Variants in LGALS3 observed in about 807,000 individuals in gnomAD.
The protein encoded by LGALS3 is galectin-3.
LGALS3 carries 18 observed loss-of-function variants against 20.7 expected under a neutral mutation model. The ratio of observed to expected loss-of-function variants is 0.87; its 90% CI spans 0.60 to 1.29. The LOEUF is 1.29. Among genes scored for constraint, LGALS3 ranks in the 50% most tolerant of loss-of-function variants. LGALS3 has a pLI of 0.00. For synonymous variants in LGALS3, 112 were observed against 119.6 expected, an observed-to-expected ratio of 0.94 and a Z score of 0.42; for missense variants, 315 against 314.7, an observed-to-expected ratio of 1.00 and a Z score of -0.01.
chr14:55,131,790 A>G (rs1021996934), intron 1 of LGALS3, among the ~76,000 whole-genome samples: 1 of 152,250 alleles, frequency 6.6e-6, no homozygotes, highest in Non-Finnish European at 1.5e-5. Context: ...AGCAGAAAGT[A>G]ACTCTACCTT....
chr14:55,144,844 G>A (rs759621697), intron 5 of LGALS3, among the ~76,000 whole-genome samples: 1 of 152,220 alleles, frequency 6.6e-6, no homozygotes, highest in Non-Finnish European at 1.5e-5. Flanking sequence ...GATTACAGGC[G>A]TGAGCCACCC....
chr14:55,130,556 C>T (rs905004123), intron 1 of LGALS3, among the ~76,000 whole-genome samples: 4 of 145,436 alleles, frequency 2.8e-5, no homozygotes, highest in Non-Finnish European at 4.5e-5. Context: ...GATTTGTTTA[C>T]CTAAGGTTTT....
chr14:55,142,245 TC>T, intron 4 of LGALS3, among the ~76,000 whole-genome samples: 1 of 152,292 alleles, frequency 6.6e-6, no homozygotes, highest in African/African-American at 2.4e-5. Context: ...GGATAAAGTG[TC>T]CTCAGAGTGG....
At chr14:55,144,180 A>T (rs531089699) in intron 5 of LGALS3, among the ~76,000 whole-genome samples, 1 of 152,272 alleles carries the variant, frequency 6.6e-6, no homozygotes, top group East Asian at 1.9e-4. Context: ...TCACACTGTC[A>T]CTCAGGCTGG....
chr14:55,132,654 G>A (rs576286502), intron 1 of LGALS3, among the ~76,000 whole-genome samples: 10 of 152,072 alleles, frequency 6.6e-5, no homozygotes, highest in Admixed American at 2.6e-4. Context: ...TGCAACCTCT[G>A]CCTCCCGGGT....
Position 55,145,254 on chromosome 14 carries a change from T to G in LGALS3, c.736T>G (p.Ser246Ala). 6.2e-7 allele frequency: 1 copy of G among 1,613,742 alleles called. No individual in the cohort carries two copies. The highest frequency in any genetic ancestry group is 2.2e-5 in the East Asian group (1 of 44,862). Reference protein sequence around the residue: ...ISGDIDLTSASYTMI With the variant: ...ISGDIDLTSAAYTMI Reference sequence around the variant, plus strand: ...TGGTGACATAGACCTCACCAGTGCTTCATATACCATGATATAATCTGAAAG... The same window carrying G: ...TGGTGACATAGACCTCACCAGTGCTGCATATACCATGATATAATCTGAAAG... Residue 246 changes from serine (S) to alanine (A), a missense_variant, in exon 6 of 6, where the codon TCA (serine) becomes GCA (alanine). By Grantham distance (99) the Ser-to-Ala change is moderately conservative. Transcript: ENST00000254301.
chr14:55,134,653 C>G (rs186059578), intron 1 of LGALS3, among the ~76,000 whole-genome samples: 1 of 152,228 alleles, frequency 6.6e-6, no homozygotes, highest in East Asian at 1.9e-4. Flanking sequence ...GTGTGGCAGC[C>G]TTTTGGGGAA....
chr14:55,137,541 G>A, intron 2 of LGALS3, 150 bp downstream of exon 2: 1 of 1,566,226 alleles, frequency 6.4e-7, no homozygotes, highest in Non-Finnish European at 8.6e-7. Context: ...GCAAGCTGGA[G>A]CCTTGTTTTT....
At position 55,145,112 on chromosome 14, in the gene LGALS3, T is replaced by TC; in HGVS notation, c.598-3dup. On this transcript the variant is annotated splice_region_variant and splice_polypyrimidine_tract_variant and intron_variant, in intron 5 of 5. Transcript: ENST00000254301. ...TGTAACAGTTTATGTATATGCCATTTCAGATACAAGTACTGGTTGAACCTG... is the reference window on the plus strand; with the variant it reads ...TGTAACAGTTTATGTATATGCCATTTCCAGATACAAGTACTGGTTGAACCTG... 1.2e-6 allele frequency: 2 copies of TC among 1,611,832 alleles called. No individual in the cohort carries two copies. The highest frequency in any genetic ancestry group is 1.7e-6 in the Non-Finnish European group (2 of 1,178,170).
At chr14:55,134,586 C>T (rs988363429) in intron 1 of LGALS3, among the ~76,000 whole-genome samples, 1 of 152,130 alleles carries the variant, frequency 6.6e-6, no homozygotes, top group African/African-American at 2.4e-5. Flanking sequence ...TTTTCTGTAA[C>T]AACTCTTCTC....
chr14:55,143,202 A>C (rs1465665093), intron 5 of LGALS3, among the ~76,000 whole-genome samples: 1 of 152,150 alleles, frequency 6.6e-6, no homozygotes, highest in Non-Finnish European at 1.5e-5. Context: ...CATCCTCACA[A>C]AGTTGCAATT....
chr14:55,137,428 C>T (rs199699629), intron 2 of LGALS3, 37 bp downstream of exon 2: 95 of 1,614,016 alleles, frequency 5.9e-5, no homozygotes, highest in Non-Finnish European at 3.6e-5. Context: ...CCTTGATCAG[C>T]TCCACATGGT....
At chr14:55,143,512 C>A in intron 5 of LGALS3, 1 of 300,316 alleles carries the variant, frequency 3.3e-6, no homozygotes, top group Non-Finnish European at 6.7e-6. Context: ...ACCTCCGCCT[C>A]CTGGGTTCAA....
In LGALS3 at chr14:55,144,051, C is replaced by A. The variant is rs1038381642; in HGVS notation, c.598-1065C>A. ...TTGGGAAGAGTAGATTTCTCCTACCCTTGCCAAAACTGATTATCATCAATC... is the reference window on the plus strand; with the variant it reads ...TTGGGAAGAGTAGATTTCTCCTACCATTGCCAAAACTGATTATCATCAATC... On this transcript the variant is annotated intron_variant, in intron 5 of 5. Coordinates refer to ENST00000254301, the MANE Select transcript of LGALS3 (RefSeq NM_002306.4). Among the ~76,000 whole-genome samples the A allele has an allele frequency of 2.6e-5, 4 of 152,296 alleles. No homozygotes were observed. The South Asian group carries it at 8.3e-4, about 32-fold the overall frequency.
chr14:55,130,937 A>G (rs935006059), intron 1 of LGALS3, among the ~76,000 whole-genome samples: 1 of 152,254 alleles, frequency 6.6e-6, no homozygotes, highest in Admixed American at 6.5e-5. Context: ...GTAAAGTTGA[A>G]TAATGATCAT....
At chr14:55,137,973 T>A in intron 2 of LGALS3, 72 bp from the exon 3 acceptor site, 1 of 1,457,804 alleles carries the variant, frequency 6.9e-7, no homozygotes, top group Non-Finnish European at 9.1e-7. Flanking sequence ...AGATCACATA[T>A]TCCTATTTTC....
At chr14:55,133,178 A>G (rs1456621629) in intron 1 of LGALS3, among the ~76,000 whole-genome samples, 1 of 149,648 alleles carries the variant, frequency 6.7e-6, no homozygotes, top group Non-Finnish European at 1.5e-5. Context: ...TGTACTTTAA[A>G]ATTTCAAAGT....
intron 1 of LGALS3, among the ~76,000 whole-genome samples, chr14:55,135,936 A>C (rs1188925848): frequency 6.6e-6 from 1 of 152,194 alleles, no homozygotes; most frequent in Non-Finnish European, 1.5e-5. Context: ...TCTAAAAGTG[A>C]TTGAGTAAAT....
intron 3 of LGALS3, 91 bp downstream of exon 3, chr14:55,138,459 C>A: frequency 7.4e-7 from 1 of 1,350,150 alleles, no homozygotes; most frequent in Non-Finnish European, 1.1e-6. Flanking sequence ...AGCCACTTCT[C>A]AAGGGCCAGC....
Sources: gnomAD v4.1 joint callset for allele counts (sites outside exome capture counted in the v4.1 genomes callset) on GRCh38, gnomAD v4.1.1 for gene constraint, MANE v1.5 for transcripts, NCBI Gene and HGNC (gene_info 2026-07-23, HGNC 2026-07-21) for gene names.